Variants in GPHN observed in about 807,000 individuals in gnomAD.
The protein encoded by GPHN is gephyrin.
In GPHN, 17 loss-of-function variants were observed where a neutral mutation model predicts 95.5. The ratio of observed to expected loss-of-function variants is 0.18; its 90% CI spans 0.12 to 0.27. The LOEUF is 0.27. Among genes scored for constraint, GPHN ranks in the 10% least tolerant of loss-of-function variants. The pLI, the probability that GPHN is intolerant of heterozygous loss-of-function variation, is 1.00. For synonymous variants in GPHN, 320 were observed against 322.5 expected, an observed-to-expected ratio of 0.99 and a Z score of 0.08; for missense variants, 660 against 978.1, an observed-to-expected ratio of 0.67 and a Z score of 4.34.
chr14:66,937,554 A>G (rs1469006855), intron 8 of GPHN, among the ~76,000 whole-genome samples: 1 of 151,658 alleles, frequency 6.6e-6, no homozygotes, highest in Non-Finnish European at 1.5e-5. Flanking sequence ...TAATTTTTGT[A>G]TTTTTAGTAC....
At chr14:67,201,663 C>A in the GPHN span, 3 of 390,868 alleles carry the variant, frequency 7.7e-6, no homozygotes, top group South Asian at 3.8e-5. Context: ...AGGATTTAAT[C>A]CCTGAGCTGG....
chr14:66,621,889 C>G (rs1402596621), intron 1 of GPHN, among the ~76,000 whole-genome samples: 1 of 152,158 alleles, frequency 6.6e-6, no homozygotes, highest in African/African-American at 2.4e-5. Flanking sequence ...TAGTGACTGT[C>G]TGTGGCTTTT....
intron 8 of GPHN, among the ~76,000 whole-genome samples, chr14:66,946,907 T>G (rs1232893685): frequency 3.9e-5 from 6 of 152,322 alleles, no homozygotes. Flanking sequence ...ATCTTTCACC[T>G]TAATTATTTC....
chr14:67,494,277 AC>A, the GPHN span, among the ~76,000 whole-genome samples: 1 of 152,250 alleles, frequency 6.6e-6, no homozygotes. Context: ...ATTCCTTTTG[AC>A]AAAGGATAAG....
the GPHN span, among the ~76,000 whole-genome samples, chr14:67,693,694 G>C: frequency 1.3e-5 from 2 of 150,142 alleles, no homozygotes; most frequent in Non-Finnish European, 3.0e-5. Flanking sequence ...TGTTGCCCAG[G>C]CTGGAGTGCA....
At chr14:67,605,181 G>A in the GPHN span, among the ~76,000 whole-genome samples, 16 of 152,154 alleles carry the variant, frequency 1.1e-4, no homozygotes, top group South Asian at 2.1e-4. Context: ...TAACTATGCC[G>A]CATGTTCCAA....
the GPHN span, among the ~76,000 whole-genome samples, chr14:67,428,772 CTTTAGTATTAG>C: frequency 6.6e-6 from 1 of 152,220 alleles, no homozygotes; most frequent in Admixed American, 6.5e-5. Context: ...GGCCTCCTTC[CTTTAGTATTAG>C]TTATCATCTG....
chr14:66,777,257 C>T (rs1408042582), intron 3 of GPHN, among the ~76,000 whole-genome samples: 2 of 152,150 alleles, frequency 1.3e-5, no homozygotes, highest in Non-Finnish European at 2.9e-5. Context: ...AATACACTCT[C>T]CCAAGACTAA....
chr14:67,197,705 T>G, the GPHN span, among the ~76,000 whole-genome samples: 2 of 152,138 alleles, frequency 1.3e-5, no homozygotes, highest in African/African-American at 4.8e-5. Flanking sequence ...AAAAAGGGAT[T>G]GGAGAATCCT....
At chr14:66,672,948 T>C (rs996861421) in intron 1 of GPHN, among the ~76,000 whole-genome samples, 17 of 152,198 alleles carry the variant, frequency 1.1e-4, no homozygotes, top group African/African-American at 4.1e-4. Context: ...TACCATATTT[T>C]AAACTTTTTT....
At chr14:67,679,268 T>A in the GPHN span, among the ~76,000 whole-genome samples, 1 of 152,172 alleles carries the variant, frequency 6.6e-6, no homozygotes, top group Admixed American at 6.5e-5. Context: ...GTGACCTAAT[T>A]TACCTCTTAA....
chr14:66,618,985 A>G (rs2063170009), intron 1 of GPHN, among the ~76,000 whole-genome samples: 1 of 152,098 alleles, frequency 6.6e-6, no homozygotes, highest in South Asian at 2.1e-4. Flanking sequence ...ATCAGTTTGC[A>G]TTTTCTAGAG....
At chr14:67,558,796 C>T in the GPHN span, among the ~76,000 whole-genome samples, 1 of 152,214 alleles carries the variant, frequency 6.6e-6, no homozygotes, top group African/African-American at 2.4e-5. Flanking sequence ...TCTGTAAAGT[C>T]CAGGTAGTAA....
At chr14:66,924,056 C>A in intron 7 of GPHN, 138 bp from the exon 8 acceptor site, 2 of 675,182 alleles carry the variant, frequency 3.0e-6, no homozygotes, top group East Asian at 2.7e-5. Context: ...TAAGCTGATT[C>A]TGTCATTCTA....
At chr14:66,950,251 G>T (rs908404772) in intron 8 of GPHN, among the ~76,000 whole-genome samples, 12 of 152,038 alleles carry the variant, frequency 7.9e-5, no homozygotes, top group Non-Finnish European at 1.6e-4. Context: ...TTGTGATTTG[G>T]CATTTTTCCT....
At chr14:67,314,508 A>G in the GPHN span, among the ~76,000 whole-genome samples, 1 of 152,222 alleles carries the variant, frequency 6.6e-6, no homozygotes, top group Non-Finnish European at 1.5e-5. Context: ...TATGATGCTA[A>G]AACCCGTGAT....
chr14:67,383,945 G>A, the GPHN span: 1 of 179,678 alleles, frequency 5.6e-6, no homozygotes, highest in African/African-American at 2.4e-5. Context: ...TAGTCTTGAT[G>A]TGGAACTGTA....
chr14:67,690,198 TCCTCTAGGCCCA>T, the GPHN span: 4 of 1,610,194 alleles, frequency 2.5e-6, no homozygotes, highest in Non-Finnish European at 3.4e-6. Context: ...CACATTCATT[TCCTCTAGGCCCA>T]CCTTTTAGTC....
the GPHN span, chr14:67,728,023 A>C: frequency 3.3e-5 from 5 of 152,280 alleles, no homozygotes; most frequent in Non-Finnish European, 7.3e-5. Context: ...GTGGATGTGG[A>C]TGTGCCCCTT....
Sources: gnomAD v4.1 joint callset for allele counts (sites outside exome capture counted in the v4.1 genomes callset) on GRCh38, gnomAD v4.1.1 for gene constraint, MANE v1.5 for transcripts, NCBI Gene and HGNC (gene_info 2026-07-23, HGNC 2026-07-21) for gene names.